The following PTPRN2 variants were observed in gnomAD, a reference collection of about 807,000 sequenced individuals.
PTPRN2 encodes receptor-type tyrosine-protein phosphatase N2.
PTPRN2 carries 74 observed loss-of-function variants against 118.8 expected under a neutral mutation model. That is an observed-to-expected ratio of 0.62 (90% confidence interval 0.52 to 0.76). The LOEUF (loss-of-function observed/expected upper bound fraction) is 0.76, where lower values mean the gene tolerates loss of function less well. PTPRN2 is among the 30% of genes least tolerant of loss of function. The probability of loss-of-function intolerance (pLI) is 0.00; values close to 1 mark genes in which losing one functional copy is unlikely to be tolerated. For synonymous variants in PTPRN2, 641 were observed against 608.0 expected, an observed-to-expected ratio of 1.05 and a Z score of -0.80; for missense variants, 1,481 against 1,394.4, an observed-to-expected ratio of 1.06 and a Z score of -0.99.
chr7:158,065,661 T>C (rs1159799491), intron 11 of PTPRN2, among the ~76,000 whole-genome samples: 1 of 152,190 alleles, frequency 6.6e-6, no homozygotes, highest in African/African-American at 2.4e-5. Flanking sequence ...CAGCGGATAA[T>C]GAGTTGAGTT....
intron 2 of PTPRN2, among the ~76,000 whole-genome samples, chr7:158,444,235 T>A (rs1317022813): frequency 6.6e-6 from 1 of 152,138 alleles, no homozygotes; most frequent in African/African-American, 2.4e-5. Context: ...CACCGTCACC[T>A]CCTAACAGGT....
chr7:158,360,094 T>C (rs62493659), intron 2 of PTPRN2, among the ~76,000 whole-genome samples: 1,638 of 34,588 alleles, frequency 0.047, 301 homozygotes, highest in Non-Finnish European at 0.055. Context: ...TCACCCAGGA[T>C]GACGCACAGA....
chr7:157,782,072 T>C (rs1480874847), intron 12 of PTPRN2, among the ~76,000 whole-genome samples: 2 of 152,226 alleles, frequency 1.3e-5, no homozygotes, highest in Non-Finnish European at 2.9e-5. Flanking sequence ...TCACTGTCCC[T>C]AGGGAATAGA....
chr7:158,258,572 C>T (rs960533608), intron 3 of PTPRN2, among the ~76,000 whole-genome samples: 2 of 152,198 alleles, frequency 1.3e-5, no homozygotes, highest in African/African-American at 4.8e-5. Flanking sequence ...ACATCAGATA[C>T]CACCTCTGTG....
intron 14 of PTPRN2, among the ~76,000 whole-genome samples, chr7:157,644,823 CAAAA>C (rs1372566297): frequency 6.7e-6 from 1 of 150,310 alleles, no homozygotes; most frequent in African/African-American, 2.4e-5. Context: ...AAACAAAAAA[CAAAA>C]GAAAACAAAA....
chr7:158,224,182 C>G (rs1828580657), intron 3 of PTPRN2, among the ~76,000 whole-genome samples: 1 of 152,068 alleles, frequency 6.6e-6, no homozygotes, highest in Non-Finnish European at 1.5e-5. Flanking sequence ...TCAACTCTCC[C>G]CAGATTGATA....
intron 2 of PTPRN2, among the ~76,000 whole-genome samples, chr7:158,391,143 C>T (rs4909078): frequency 0.02 from 3,007 of 152,258 alleles, 33 homozygotes; most frequent in Middle Eastern, 0.031. Context: ...ACAAATACTT[C>T]TTATTCCAAA....
chr7:157,820,439 C>A (rs1454893981), intron 12 of PTPRN2, among the ~76,000 whole-genome samples: 3 of 151,818 alleles, frequency 2.0e-5, no homozygotes, highest in Non-Finnish European at 4.4e-5. Flanking sequence ...CACCTGCACA[C>A]AGCAGATCCC....
chr7:158,443,449 G>GT (rs1481277072), intron 2 of PTPRN2, among the ~76,000 whole-genome samples: 3 of 152,276 alleles, frequency 2.0e-5, no homozygotes, highest in African/African-American at 7.2e-5. Flanking sequence ...TGACGGGTCT[G>GT]TAAGAGTTGG....
chr7:158,077,212 A>G (rs1372845212), intron 11 of PTPRN2, among the ~76,000 whole-genome samples: 1 of 152,108 alleles, frequency 6.6e-6, no homozygotes, highest in East Asian at 1.9e-4. Context: ...AGAGGAGGGG[A>G]GCCTCTTCCT....
intron 17 of PTPRN2, among the ~76,000 whole-genome samples, chr7:157,589,265 A>T (rs1800853624): frequency 6.6e-6 from 1 of 152,208 alleles, no homozygotes; most frequent in Admixed American, 6.5e-5. Flanking sequence ...GAGATCCCAT[A>T]TGGGAAGTGC....
At chr7:157,834,653 G>A (rs1334432358) in intron 12 of PTPRN2, among the ~76,000 whole-genome samples, 1 of 152,244 alleles carries the variant, frequency 6.6e-6, no homozygotes, top group Non-Finnish European at 1.5e-5. Flanking sequence ...AGACAGAAAC[G>A]TGGGTGTGCT....
intron 9 of PTPRN2, among the ~76,000 whole-genome samples, chr7:158,115,630 G>A (rs187449415): frequency 1.3e-5 from 2 of 152,032 alleles, no homozygotes; most frequent in African/African-American, 4.8e-5. Flanking sequence ...GTGAGAAAAT[G>A]CCATCTGCAA....
At chr7:157,549,144 C>G (rs1431172825) in intron 21 of PTPRN2, 125 bp from the exon 22 acceptor site, 2 of 913,238 alleles carry the variant, frequency 2.2e-6, no homozygotes, top group Non-Finnish European at 3.5e-6. Context: ...ACGCTCATCC[C>G]TCAGCCGGCT....
intron 3 of PTPRN2, among the ~76,000 whole-genome samples, chr7:158,313,881 G>A (rs967731407): frequency 6.6e-6 from 1 of 152,136 alleles, no homozygotes; most frequent in Non-Finnish European, 1.5e-5. Flanking sequence ...GGAATTCGGG[G>A]CCACTAGATA....
At chr7:157,544,535 C>A (rs112918757) in intron 22 of PTPRN2, among the ~76,000 whole-genome samples, 1 of 152,044 alleles carries the variant, frequency 6.6e-6, no homozygotes, top group Non-Finnish European at 1.5e-5. Context: ...AGGGGCCTCC[C>A]GTCCAGTGAG....
intron 2 of PTPRN2, among the ~76,000 whole-genome samples, chr7:158,395,306 G>GCA (rs1812282268): frequency 2.2e-5 from 3 of 135,634 alleles, no homozygotes; most frequent in Non-Finnish European, 1.6e-5. Context: ...GGTGAGGGGC[G>GCA]AGGGGTGAGG....
intron 12 of PTPRN2, among the ~76,000 whole-genome samples, chr7:157,735,998 C>T (rs771809963): frequency 1.3e-5 from 2 of 152,230 alleles, no homozygotes; most frequent in African/African-American, 2.4e-5. Flanking sequence ...CAGAGACGGC[C>T]GGTGGGTGGG....
chr7:158,145,819 C>A (rs1483641928), intron 6 of PTPRN2, among the ~76,000 whole-genome samples: 1 of 152,190 alleles, frequency 6.6e-6, no homozygotes, highest in African/African-American at 2.4e-5. Flanking sequence ...TGCTGCCCTG[C>A]CCTGGGGGAT....
Sources: gnomAD v4.1 joint callset for allele counts (sites outside exome capture counted in the v4.1 genomes callset) on GRCh38, gnomAD v4.1.1 for gene constraint, MANE v1.5 for transcripts, NCBI Gene and HGNC (gene_info 2026-07-23, HGNC 2026-07-21) for gene names.